NVL: variants seen among roughly 807,000 people sequenced by gnomAD.
NVL encodes nuclear valosin-containing protein-like.
In NVL, 84 loss-of-function variants were observed where a neutral mutation model predicts 110.2. That is an observed-to-expected ratio of 0.76 (90% CI 0.64 to 0.91). NVL has a LOEUF of 0.91. Among genes scored for constraint, NVL ranks in the 40% least tolerant of loss-of-function variants. The pLI is 0.00. For missense variants in NVL, 882 were observed against 1,035.9 expected (o/e 0.85, Z 2.04); for synonymous variants, 354 against 361.1 (o/e 0.98, Z 0.22).
chr1:224,327,331 T>C (rs2102811782), intron 1 of NVL, among the ~76,000 whole-genome samples: 2 of 151,642 alleles, frequency 1.3e-5, no homozygotes, highest in East Asian at 1.9e-4. Flanking sequence ...TGGTCCCAGC[T>C]ACATGGGAGG....
Position 224,250,245 on chromosome 1 carries a change from T to G in NVL, c.2256A>C (p.Ala752=). Residue 752 remains alanine, a synonymous_variant, in exon 19 of 23, where the codon GCA becomes GCC. Coordinates refer to ENST00000281701, the MANE Select transcript of NVL (RefSeq NM_002533.4). The part of the protein sequence containing the change: ...KTLFVGLPPP[A]DRLAILKTIT... ...TAGTTTTTAAGATGGCAAGGCGATC[T>G]GCAGGGGGCGGTAAACCCACAAACA... The G allele has an allele frequency of 6.2e-7, 1 of 1,610,234 alleles. No homozygotes were observed. The highest frequency in any genetic ancestry group is 8.5e-7 in the Non-Finnish European group (1 of 1,178,500).
intron 4 of NVL, among the ~76,000 whole-genome samples, chr1:224,317,034 G>A (rs572385917): frequency 2.6e-5 from 4 of 151,988 alleles, no homozygotes; most frequent in Admixed American, 2.6e-4. Context: ...AGCTACTTGG[G>A]AGGCTGAGGC....
chr1:224,250,502 C>CTA (rs1413090037), intron 18 of NVL, among the ~76,000 whole-genome samples, 184 bp from the exon 19 acceptor site: 2 of 152,060 alleles, frequency 1.3e-5, no homozygotes, highest in Non-Finnish European at 2.9e-5. Context: ...GTAGCTAAGA[C>CTA]TATAGATGCA....
In NVL at chr1:224,233,257, G is replaced by C; in HGVS notation, c.2399C>G (p.Ala800Gly). Reference protein sequence around the residue: ...GADLSALVREASICALRQEMA... With the variant: ...GADLSALVREGSICALRQEMA... Reference sequence around the variant, plus strand: ...TTCCTGTCTCAGGGCACAGATAGAAGCTTCTCGTACCAAAGCAGAGAGATC... The same window carrying C: ...TTCCTGTCTCAGGGCACAGATAGAACCTTCTCGTACCAAAGCAGAGAGATC... The change falls in exon 21 of 23, where the codon GCT (alanine) becomes GGT (glycine). Residue 800 changes from alanine (A) to glycine (G), a missense_variant. Physicochemically the swap from Ala to Gly is moderately conservative, Grantham distance 60. Transcript: ENST00000281701. 1 of 1,612,740 alleles carries C rather than the reference G, an allele frequency of 6.2e-7. No homozygotes were observed. The highest frequency in any genetic ancestry group is 8.5e-7 in the Non-Finnish European group (1 of 1,179,602).
chr1:224,236,614 G>C, intron 19 of NVL, 32 bp from the exon 20 acceptor site: 5 of 1,558,536 alleles, frequency 3.2e-6, no homozygotes, highest in Non-Finnish European at 4.4e-6. Flanking sequence ...TTTTTCATTG[G>C]AGCTTTAAAG....
intron 19 of NVL, among the ~76,000 whole-genome samples, chr1:224,240,224 C>G (rs908619795): frequency 3.3e-5 from 5 of 152,026 alleles, no homozygotes; most frequent in African/African-American, 1.2e-4. Flanking sequence ...CCCGCCACCA[C>G]GCCTGGCTAA....
chr1:224,236,440 C>A, intron 20 of NVL, 66 bp downstream of exon 20: 1 of 1,177,974 alleles, frequency 8.5e-7, no homozygotes, highest in South Asian at 1.2e-5. Context: ...GCATCATCAC[C>A]CCTCATTTTA....
chr1:224,241,988 C>T (rs1459691928), intron 19 of NVL, among the ~76,000 whole-genome samples: 1 of 151,682 alleles, frequency 6.6e-6, no homozygotes, highest in Non-Finnish European at 1.5e-5. Context: ...GCCAAGACCA[C>T]GCCATTGCAC....
intron 2 of NVL, among the ~76,000 whole-genome samples, chr1:224,323,254 G>A (rs942734311): frequency 6.6e-6 from 1 of 152,150 alleles, no homozygotes; most frequent in Admixed American, 6.6e-5. Context: ...GTGTTGAAGT[G>A]TGGCCTGATT....
At chr1:224,256,443 A>C (rs1265440362) in intron 18 of NVL, among the ~76,000 whole-genome samples, 1 of 150,374 alleles carries the variant, frequency 6.7e-6, no homozygotes, top group African/African-American at 2.4e-5. Context: ...AAAAAAAAAA[A>C]AAAACCCACA....
chr1:224,231,405 AT>A, intron 21 of NVL, 109 bp from the exon 22 acceptor site: 1 of 765,502 alleles, frequency 1.3e-6, no homozygotes, highest in Non-Finnish European at 2.3e-6. Flanking sequence ...CACTAAAGAG[AT>A]CAGTGATGAG....
At chr1:224,264,977 C>A (rs1368341055) in intron 18 of NVL, among the ~76,000 whole-genome samples, 2 of 151,940 alleles carry the variant, frequency 1.3e-5, no homozygotes, top group African/African-American at 4.8e-5. Context: ...GATCTTCTAA[C>A]CTTGTGATCC....
intron 19 of NVL, among the ~76,000 whole-genome samples, chr1:224,244,922 G>A (rs1432241391): frequency 5.3e-5 from 8 of 152,128 alleles, no homozygotes; most frequent in Non-Finnish European, 8.8e-5. Context: ...TCCTGACCTC[G>A]TGATCCGCCC....
At chr1:224,304,192 T>C (rs1476416169) in intron 8 of NVL, among the ~76,000 whole-genome samples, 5 of 152,236 alleles carry the variant, frequency 3.3e-5, no homozygotes, top group Admixed American at 6.5e-5. Context: ...TTTGGGAGGC[T>C]GAGGTGGGCA....
chr1:224,280,169 GTTTT>G (rs1225902326), intron 16 of NVL, among the ~76,000 whole-genome samples: 4 of 131,006 alleles, frequency 3.1e-5, no homozygotes, highest in African/African-American at 1.2e-4. Context: ...GTGTACTGCT[GTTTT>G]TTTTTGTTTT....
At chr1:224,300,739 A>T in intron 9 of NVL, 76 bp from the exon 10 acceptor site, 6 of 1,003,370 alleles carry the variant, frequency 6.0e-6, no homozygotes, top group Non-Finnish European at 9.0e-6. Context: ...GTCCCCTCAA[A>T]TTTTTTAAAT....
chr1:224,271,750 C>T (rs565337199), intron 17 of NVL, among the ~76,000 whole-genome samples: 4 of 152,150 alleles, frequency 2.6e-5, no homozygotes, highest in East Asian at 1.9e-4. Flanking sequence ...CGGTGGCTCA[C>T]GCCTGTAATC....
At chr1:224,279,772 T>A (rs1457089203) in intron 16 of NVL, among the ~76,000 whole-genome samples, 1 of 152,222 alleles carries the variant, frequency 6.6e-6, no homozygotes, top group Non-Finnish European at 1.5e-5. Context: ...CACTTAAAAA[T>A]TAGTATTTCC....
At position 224,236,449 on chromosome 1, in the gene NVL, T is replaced by C. The variant is rs935627480; in HGVS notation, c.2366+57A>G. 4.6e-6 allele frequency: 6 copies of C among 1,317,358 alleles called. No homozygotes were observed. The African/African-American group carries it at 8.7e-5, about 19-fold the overall frequency. The allele number at this position is 1,317,358 out of a possible 1,614,324, so 81.6% of individuals were successfully genotyped here. A position where few individuals can be genotyped will look rare whatever the true frequency, so the allele number is the denominator to read the frequency against. ...AGGTGAGCATCATCACCCCTCATTT[T>C]ATAGATGAGGAAATTGAACCCCAGA... On this transcript the variant is annotated intron_variant, in intron 20 of 22. Coordinates refer to ENST00000281701, the MANE Select transcript of NVL (RefSeq NM_002533.4).
Sources: gnomAD v4.1 joint callset for allele counts (sites outside exome capture counted in the v4.1 genomes callset) on GRCh38, gnomAD v4.1.1 for gene constraint, MANE v1.5 for transcripts, NCBI Gene and HGNC (gene_info 2026-07-23, HGNC 2026-07-21) for gene names.